HYAL4: variants seen among roughly 807,000 people sequenced by gnomAD.
HYAL4 encodes hyaluronidase-4.
A neutral mutation model predicts 35.2 loss-of-function variants in HYAL4; 37 were observed. That is an observed-to-expected ratio of 1.05 (90% CI 0.81 to 1.38). HYAL4 has a LOEUF of 1.38. Ranked by LOEUF, HYAL4 falls within the 40% of genes most tolerant of loss-of-function variation. The pLI is 0.00. For missense variants in HYAL4, 572 were observed against 572.4 expected (o/e 1.00, Z 0.01); for synonymous variants, 198 against 203.2 (o/e 0.97, Z 0.22).
chr7:123,800,861 A>G, the HYAL4 span, among the ~76,000 whole-genome samples: 4 of 151,494 alleles, frequency 2.6e-5, no homozygotes. Flanking sequence ...GGGTTTTACC[A>G]TGTTGCCCAG....
chr7:123,802,419 T>C, the HYAL4 span, among the ~76,000 whole-genome samples: 1 of 151,904 alleles, frequency 6.6e-6, no homozygotes, highest in Non-Finnish European at 1.5e-5. Context: ...GTTCAACTTT[T>C]AATAAATCAA....
the HYAL4 span, among the ~76,000 whole-genome samples, chr7:123,807,621 A>C: frequency 1.3e-5 from 2 of 151,556 alleles, no homozygotes; most frequent in East Asian, 3.9e-4. Flanking sequence ...TTGTATTTTT[A>C]GTAGAGATAG....
At chr7:123,806,324 G>A in the HYAL4 span, among the ~76,000 whole-genome samples, 1 of 152,220 alleles carries the variant, frequency 6.6e-6, no homozygotes, top group Non-Finnish European at 1.5e-5. Context: ...CCTTGCCAAA[G>A]TAATGAAGGT....
At chr7:123,822,708 C>T in the HYAL4 span, among the ~76,000 whole-genome samples, 509 of 152,236 alleles carry the variant, frequency 3.3e-3, 11 homozygotes, top group Admixed American at 0.03. Flanking sequence ...CCTATAATCC[C>T]AGTACTTTGA....
chr7:123,839,966 TG>T (rs1178971113), intron 1 of HYAL4, among the ~76,000 whole-genome samples: 2 of 152,230 alleles, frequency 1.3e-5, no homozygotes, highest in Non-Finnish European at 2.9e-5. Flanking sequence ...TAGTTTATTT[TG>T]CCATGCAGAA....
the HYAL4 span, chr7:123,814,508 T>C: frequency 6.6e-6 from 1 of 152,576 alleles, no homozygotes. Flanking sequence ...TGTCCCTTGG[T>C]GGAGATCAGA....
intron 1 of HYAL4, among the ~76,000 whole-genome samples, chr7:123,837,164 G>A (rs1343896884): frequency 6.6e-6 from 1 of 152,182 alleles, no homozygotes. Context: ...CATTTGTGAA[G>A]ATTAGTTTTG....
At chr7:123,849,865 A>G (rs560855509) in intron 2 of HYAL4, among the ~76,000 whole-genome samples, 1 of 151,480 alleles carries the variant, frequency 6.6e-6, no homozygotes, top group African/African-American at 2.4e-5. Context: ...AGACTCTCTC[A>G]CAAATAACAA....
At chr7:123,862,180 C>T (rs984586685) in intron 2 of HYAL4, among the ~76,000 whole-genome samples, 1 of 152,130 alleles carries the variant, frequency 6.6e-6, no homozygotes, top group Admixed American at 6.6e-5. Context: ...TGCTCTGTCT[C>T]TCAGTCTGAT....
chr7:123,833,403 C>T (rs1584908250), intron 1 of HYAL4, among the ~76,000 whole-genome samples: 1 of 152,022 alleles, frequency 6.6e-6, no homozygotes, highest in South Asian at 2.1e-4. Flanking sequence ...TATTCATGTC[C>T]TAGCCCACTT....
At chr7:123,840,424 A>G (rs1340002016), upstream of HYAL4, among the ~76,000 whole-genome samples, 4 of 151,844 alleles carry the variant, frequency 2.6e-5, no homozygotes, top group East Asian at 3.9e-4. Context: ...GTAGTGTGAT[A>G]CCTCCAGCTT....
chr7:123,857,713 C>G (rs866890226), intron 2 of HYAL4, among the ~76,000 whole-genome samples: 45 of 122,836 alleles, frequency 3.7e-4, no homozygotes, highest in Non-Finnish European at 5.0e-4. Flanking sequence ...TTCTTTCTTT[C>G]TTTCTTTCTT....
At chr7:123,864,683 ACTTTTGGAAGGGCAGG>A (rs1176976349) in intron 2 of HYAL4, among the ~76,000 whole-genome samples, 7 of 151,412 alleles carry the variant, frequency 4.6e-5, no homozygotes. Flanking sequence ...AGCAAAGGGC[ACTTTTGGAAGGGCAGG>A]CTTGGGGAGG....
the HYAL4 span, among the ~76,000 whole-genome samples, chr7:123,779,462 C>T: frequency 2.0e-5 from 3 of 151,692 alleles, no homozygotes; most frequent in Non-Finnish European, 2.9e-5. Flanking sequence ...TAATAATGCA[C>T]ATAATGTAAT....
chr7:123,823,236 T>G, the HYAL4 span, among the ~76,000 whole-genome samples: 10 of 152,200 alleles, frequency 6.6e-5, no homozygotes, highest in Non-Finnish European at 1.2e-4. Context: ...TCATTCTGTT[T>G]ATGTGGTATA....
chr7:123,875,509 T>C (rs1223597512), intron 4 of HYAL4, among the ~76,000 whole-genome samples: 5 of 151,834 alleles, frequency 3.3e-5, no homozygotes, highest in African/African-American at 4.8e-5. Context: ...ATATAAAAAT[T>C]AGGCGAGTGT....
At chr7:123,825,736 T>C (rs1162976517), upstream of HYAL4, among the ~76,000 whole-genome samples, 2 of 151,880 alleles carry the variant, frequency 1.3e-5, no homozygotes, top group South Asian at 2.1e-4. Context: ...CAATCAATCA[T>C]GTCTCTTCCT....
At chr7:123,827,860 AAAAT>A (rs777869059), upstream of HYAL4, among the ~76,000 whole-genome samples, 20 of 152,308 alleles carry the variant, frequency 1.3e-4, no homozygotes, top group East Asian at 2.1e-3. Context: ...TAATATTGAT[AAAAT>A]AAATAATTAA....
At chr7:123,810,100 A>T in the HYAL4 span, among the ~76,000 whole-genome samples, 2 of 152,182 alleles carry the variant, frequency 1.3e-5, no homozygotes, top group African/African-American at 4.8e-5. Flanking sequence ...GAGAAAAGAC[A>T]AGGAGTGTTT....
Sources: allele counts gnomAD v4.1 joint callset (sites outside exome capture counted in the v4.1 genomes callset), GRCh38; gene constraint gnomAD v4.1.1; transcripts MANE v1.5; gene names NCBI Gene and HGNC (gene_info 2026-07-23, HGNC 2026-07-21).